Variants in CERS6 observed in about 807,000 individuals in gnomAD.
The protein encoded by CERS6 is LAG1 homolog, ceramide synthase 6.
Under a neutral mutation model 56.8 loss-of-function variants are expected in CERS6, and 26 were observed. That is an observed-to-expected ratio of 0.46 (90% CI 0.34 to 0.63). The LOEUF (loss-of-function observed/expected upper bound fraction) is 0.63. Ranked by LOEUF, CERS6 falls within the 30% of genes least tolerant of loss-of-function variation. The probability of loss-of-function intolerance (pLI) is 0.01; values close to 1 mark genes in which losing one functional copy is unlikely to be tolerated. For synonymous variants in CERS6, 164 were observed against 173.3 expected (o/e 0.95, Z 0.42); for missense variants, 415 against 467.5 (o/e 0.89, Z 1.04).
intron 1 of CERS6, among the ~76,000 whole-genome samples, chr2:168,522,701 G>T (rs1385214841): frequency 6.6e-6 from 1 of 152,052 alleles, no homozygotes; most frequent in Non-Finnish European, 1.5e-5. Context: ...ACTGCAACTG[G>T]CTAATTTTTA....
At chr2:168,576,528 A>G (rs1345263403) in intron 3 of CERS6, among the ~76,000 whole-genome samples, 1 of 152,140 alleles carries the variant, frequency 6.6e-6, no homozygotes, top group Non-Finnish European at 1.5e-5. Context: ...TTCTTTCCAG[A>G]TACAGTCCAA....
At chr2:168,514,750 A>T (rs1694856294) in intron 1 of CERS6, among the ~76,000 whole-genome samples, 1 of 152,258 alleles carries the variant, frequency 6.6e-6, no homozygotes, top group East Asian at 1.9e-4. Flanking sequence ...AGAAAGTGAA[A>T]ATGAGTCCAT....
intron 1 of CERS6, among the ~76,000 whole-genome samples, chr2:168,525,535 A>G (rs1422891207): frequency 2.6e-5 from 4 of 152,364 alleles, no homozygotes; most frequent in African/African-American, 9.6e-5. Context: ...TTGGGTCACA[A>G]TTCTTGTAAT....
intron 8 of CERS6, among the ~76,000 whole-genome samples, chr2:168,727,839 A>G (rs886550279): frequency 2.0e-5 from 3 of 152,232 alleles, no homozygotes; most frequent in Non-Finnish European, 4.4e-5. Context: ...TATATTAGAA[A>G]GATTTGAAGG....
intron 3 of CERS6, among the ~76,000 whole-genome samples, chr2:168,615,189 C>G (rs1684286110): frequency 6.6e-6 from 1 of 152,154 alleles, no homozygotes; most frequent in Non-Finnish European, 1.5e-5. Flanking sequence ...ATCAAGGGAA[C>G]ACCTCATGGG....
chr2:168,722,727 A>T (rs1574191952), intron 8 of CERS6, among the ~76,000 whole-genome samples: 1 of 152,262 alleles, frequency 6.6e-6, no homozygotes, highest in East Asian at 1.9e-4. Flanking sequence ...CATCCTGTCT[A>T]ATAAGCCAGG....
At position 168,655,821 on chromosome 2, in the gene CERS6, A is replaced by G. The variant is rs554552581; in HGVS notation, c.465+24779A>G. Among the ~76,000 whole-genome samples, 29 of 152,352 alleles carry G rather than the reference A, an allele frequency of 1.9e-4. 1 individual carries two copies. The South Asian group carries it at 4.4e-3, about 23-fold the overall frequency. ...TATAGCATGAGGACTGTAGTTATTAATAGTATATTAGGGATTTTTGTTAAA... is the reference window on the plus strand; with the variant it reads ...TATAGCATGAGGACTGTAGTTATTAGTAGTATATTAGGGATTTTTGTTAAA... On this transcript the variant is annotated intron_variant, in intron 4 of 9. Coordinates refer to ENST00000305747, the MANE Select transcript of CERS6 (RefSeq NM_203463.3).
chr2:168,675,965 G>A (rs183810349), intron 4 of CERS6, among the ~76,000 whole-genome samples: 10 of 152,258 alleles, frequency 6.6e-5, no homozygotes, highest in African/African-American at 1.4e-4. Flanking sequence ...GATTACAGGC[G>A]TGAGTCACTG....
At chr2:168,540,754 G>A (rs1297883294) in intron 1 of CERS6, among the ~76,000 whole-genome samples, 1 of 152,138 alleles carries the variant, frequency 6.6e-6, no homozygotes, top group Non-Finnish European at 1.5e-5. Flanking sequence ...ATTTTTCCCT[G>A]TATATAGTGA....
intron 3 of CERS6, among the ~76,000 whole-genome samples, chr2:168,612,986 TAA>T (rs2105275360): frequency 6.6e-6 from 1 of 152,048 alleles, no homozygotes; most frequent in East Asian, 1.9e-4. Context: ...TGAAGAAAGG[TAA>T]AGACTAGGTG....
At chr2:168,732,699 GAC>G (rs1243200519) in intron 8 of CERS6, among the ~76,000 whole-genome samples, 1 of 152,142 alleles carries the variant, frequency 6.6e-6, no homozygotes, top group African/African-American at 2.4e-5. Context: ...ACCCATACCA[GAC>G]ATAACTGACT....
intron 2 of CERS6, among the ~76,000 whole-genome samples, chr2:168,559,217 A>T (rs1324688930): frequency 1.3e-5 from 2 of 151,590 alleles, no homozygotes; most frequent in African/African-American, 4.8e-5. Context: ...AAAAAACCCC[A>T]AAAAACCCCA....
At chr2:168,622,124 TA>T in intron 3 of CERS6, among the ~76,000 whole-genome samples, 1 of 152,248 alleles carries the variant, frequency 6.6e-6, no homozygotes, top group South Asian at 2.1e-4. Context: ...AGGATGGAAA[TA>T]TTACAGAATC....
chr2:168,548,237 T>G (rs1346750789), intron 2 of CERS6, among the ~76,000 whole-genome samples: 1 of 152,094 alleles, frequency 6.6e-6, no homozygotes, highest in Non-Finnish European at 1.5e-5. Context: ...AGTGAAGAGA[T>G]AGGTTCACTG....
intron 3 of CERS6, among the ~76,000 whole-genome samples, chr2:168,613,422 A>G (rs1191182261): frequency 6.6e-6 from 1 of 152,218 alleles, no homozygotes; most frequent in Non-Finnish European, 1.5e-5. Context: ...TGGTCTGTGC[A>G]CAAGGCAAGA....
intron 8 of CERS6, among the ~76,000 whole-genome samples, chr2:168,757,634 C>T: frequency 6.6e-6 from 1 of 152,172 alleles, no homozygotes; most frequent in Non-Finnish European, 1.5e-5. Flanking sequence ...GTAATCCCAA[C>T]ACTTTAGGAG....
At chr2:168,540,793 T>C (rs1482708820) in intron 1 of CERS6, among the ~76,000 whole-genome samples, 3 of 152,238 alleles carry the variant, frequency 2.0e-5, no homozygotes, top group Non-Finnish European at 4.4e-5. Context: ...TTACAATATT[T>C]TCTTTTTATC....
At chr2:168,467,412 G>A (rs920395323) in intron 1 of CERS6, among the ~76,000 whole-genome samples, 3 of 152,222 alleles carry the variant, frequency 2.0e-5, no homozygotes, top group Admixed American at 6.5e-5. Context: ...GAAAATGGGA[G>A]ACTAAAAGGG....
chr2:168,666,511 C>A (rs1685766045), intron 4 of CERS6, among the ~76,000 whole-genome samples: 1 of 152,178 alleles, frequency 6.6e-6, no homozygotes, highest in Non-Finnish European at 1.5e-5. Context: ...TTTCTTCTTA[C>A]CTCTGAATCA....
Sources: allele counts gnomAD v4.1 joint callset (sites outside exome capture counted in the v4.1 genomes callset), GRCh38; gene constraint gnomAD v4.1.1; transcripts MANE v1.5; gene names NCBI Gene and HGNC (gene_info 2026-07-23, HGNC 2026-07-21).